Variants in MIER1 observed in about 807,000 individuals in gnomAD.
The protein encoded by MIER1 is MIER1 transcriptional regulator, also known as mesoderm induction early response protein 1.
A neutral mutation model predicts 75.7 loss-of-function variants in MIER1; 40 were observed. That is an observed-to-expected ratio of 0.53 (90% confidence interval 0.41 to 0.69). The LOEUF (loss-of-function observed/expected upper bound fraction) is 0.69, where lower values mean the gene tolerates loss of function less well. Among genes scored for constraint, MIER1 ranks in the 30% least tolerant of loss-of-function variants. MIER1 has a pLI of 0.00. For synonymous variants in MIER1, 213 were observed against 223.4 expected (o/e 0.95, Z 0.42); for missense variants, 574 against 680.2 (o/e 0.84, Z 1.74).
chr1:66,964,416 T>G (rs1288510737), intron 8 of MIER1, among the ~76,000 whole-genome samples: 1 of 148,572 alleles, frequency 6.7e-6, no homozygotes, highest in East Asian at 2.0e-4. Flanking sequence ...TTCACCTCAT[T>G]TGAGTTCCAG....
chr1:66,972,235 CATAT>C (rs71058486), intron 10 of MIER1, among the ~76,000 whole-genome samples: 109 of 63,714 alleles, frequency 1.7e-3, no homozygotes, highest in Non-Finnish European at 2.2e-3. Flanking sequence ...ATATACACTA[CATAT>C]ATATATATAT....
chr1:66,978,581 GAT>G (rs1335041561), intron 12 of MIER1, among the ~76,000 whole-genome samples: 1 of 152,162 alleles, frequency 6.6e-6, no homozygotes, highest in Non-Finnish European at 1.5e-5. Context: ...CTAGTCTGCA[GAT>G]ATATCTTAAA....
intron 2 of MIER1, among the ~76,000 whole-genome samples, chr1:66,931,631 A>G (rs1222617378): frequency 2.6e-5 from 4 of 151,842 alleles, no homozygotes; most frequent in African/African-American, 9.7e-5. Flanking sequence ...TCTTAGATTT[A>G]TTTTCATTTC....
At position 66,974,210 on chromosome 1, in the gene MIER1, A is replaced by G. The variant is rs145491848; in HGVS notation, c.1101+1219A>G. 2.2e-3 allele frequency among the ~76,000 whole-genome samples: 330 copies of G among 152,184 alleles called. 1 individual carries two copies. Among genetic ancestry groups the G allele is most frequent in the African/African-American group, 7.1e-3 (293 of 41,540 alleles). ...TACCGCAGATAACACTAATAGAGAAATGTTTAGTTTTAGCATTTAGGATAA... is the reference window on the plus strand; with the variant it reads ...TACCGCAGATAACACTAATAGAGAAGTGTTTAGTTTTAGCATTTAGGATAA... On this transcript the variant is annotated intron_variant, in intron 11 of 13. Coordinates refer to ENST00000401041, the MANE Select transcript of MIER1 (RefSeq NM_001077700.3).
At chr1:66,929,153 T>A in intron 2 of MIER1, 1 of 642,086 alleles carries the variant, frequency 1.6e-6, no homozygotes, top group African/African-American at 1.8e-5. Context: ...CATTATAAGT[T>A]AAGTATTAAC....
rs1245369483 is a variant in MIER1 at position 66,930,604 on chromosome 1, C to CA, written c.168+4362_168+4363insA. Among the ~76,000 whole-genome samples the CA allele has an allele frequency of 4.0e-5, 6 of 151,358 alleles. No homozygotes were observed. In the East Asian group the frequency reaches 9.8e-4, roughly 25 times the overall value. On this transcript the variant is annotated intron_variant, in intron 2 of 13. Coordinates refer to ENST00000401041, the MANE Select transcript of MIER1 (RefSeq NM_001077700.3). ...GTCCGGGGGTAGGAGGAAGCGGAGG[C>CA]GTACTTGGACTTCGGGGGCAGTTTG...
At chr1:66,927,938 T>C (rs1459331652) in intron 2 of MIER1, among the ~76,000 whole-genome samples, 2 of 152,092 alleles carry the variant, frequency 1.3e-5, no homozygotes, top group African/African-American at 4.8e-5. Context: ...AGTAAGCGTT[T>C]TGAGAAAGAC....
intron 7 of MIER1, 37 bp from the exon 8 acceptor site, chr1:66,963,051 T>C (rs1661575510): frequency 7.4e-7 from 1 of 1,350,912 alleles, no homozygotes; most frequent in South Asian, 1.2e-5. Context: ...AATCTGTTAC[T>C]AGATCTTACT....
At chr1:66,955,274 C>T (rs1477571672) in intron 4 of MIER1, among the ~76,000 whole-genome samples, 2 of 150,226 alleles carry the variant, frequency 1.3e-5, no homozygotes, top group African/African-American at 4.9e-5. Flanking sequence ...TATCTTATCC[C>T]AGACCTGTGA....
At chr1:66,955,689 A>T (rs1299992668) in intron 4 of MIER1, among the ~76,000 whole-genome samples, 1 of 152,182 alleles carries the variant, frequency 6.6e-6, no homozygotes, top group East Asian at 1.9e-4. Flanking sequence ...ATAAATAATG[A>T]AACAAGCTTT....
At chr1:66,949,160 G>T (rs1156327545) in intron 4 of MIER1, among the ~76,000 whole-genome samples, 1 of 152,064 alleles carries the variant, frequency 6.6e-6, no homozygotes, top group Non-Finnish European at 1.5e-5. Context: ...GGGATAAAAG[G>T]TACAGTAATA....
At chr1:66,952,217 T>C (rs1000584808) in intron 4 of MIER1, among the ~76,000 whole-genome samples, 2 of 152,214 alleles carry the variant, frequency 1.3e-5, no homozygotes, top group African/African-American at 4.8e-5. Flanking sequence ...AATAAAACAC[T>C]GTGCCACTTT....
intron 6 of MIER1, 59 bp downstream of exon 6, chr1:66,959,042 A>G (rs1660721833): frequency 7.0e-7 from 1 of 1,421,304 alleles, no homozygotes; most frequent in Admixed American, 1.8e-5. Context: ...GGTATTACCT[A>G]AAATCCTCTT....
intron 2 of MIER1, among the ~76,000 whole-genome samples, chr1:66,937,086 T>G (rs1655073089): frequency 6.6e-6 from 1 of 151,636 alleles, no homozygotes; most frequent in Admixed American, 6.6e-5. Flanking sequence ...TAGCAGTTAT[T>G]TCTCTAGAAG....
At chr1:66,959,060 C>A in intron 6 of MIER1, 77 bp downstream of exon 6, 1 of 1,217,476 alleles carries the variant, frequency 8.2e-7, no homozygotes, top group Non-Finnish European at 1.2e-6. Flanking sequence ...CTTTTTTAAA[C>A]TGGTCTTTGA....
chr1:66,938,930 A>T (rs1655553740), intron 2 of MIER1, among the ~76,000 whole-genome samples: 1 of 152,194 alleles, frequency 6.6e-6, no homozygotes, highest in Admixed American at 6.5e-5. Flanking sequence ...GTACAGTTTT[A>T]AAAACAAATT....
intron 4 of MIER1, among the ~76,000 whole-genome samples, chr1:66,955,496 G>A (rs180682405): frequency 3.7e-4 from 57 of 152,150 alleles, no homozygotes; most frequent in African/African-American, 1.4e-3. Flanking sequence ...TAGAGAGCCT[G>A]AGGGCATTTG....
intron 2 of MIER1, among the ~76,000 whole-genome samples, chr1:66,928,421 G>A (rs1160435590): frequency 1.3e-5 from 2 of 152,080 alleles, no homozygotes; most frequent in African/African-American, 2.4e-5. Context: ...ACCTTGTATT[G>A]TAACACTTTT....
Position 66,947,033 on chromosome 1 carries a change from T to C in MIER1, c.339+738T>C, listed in dbSNP as rs147024013. ...CTGTCTGGATCAGTGCTCCTCAAAATGTAGTATGAGGGTCAGTTGCATCAG... is the reference window on the plus strand; with the variant it reads ...CTGTCTGGATCAGTGCTCCTCAAAACGTAGTATGAGGGTCAGTTGCATCAG... On this transcript the variant is annotated intron_variant, in intron 4 of 13. Coordinates refer to ENST00000401041, the MANE Select transcript of MIER1 (RefSeq NM_001077700.3). 10 of 982,988 alleles carry C rather than the reference T, an allele frequency of 1.0e-5. No homozygotes were observed. In the East Asian group the frequency reaches 1.1e-3, roughly 112 times the overall value. 60.9% of individuals were successfully genotyped at this position (982,988 alleles called of 1,614,324 possible). A position where few individuals can be genotyped will look rare whatever the true frequency, so the allele number is the denominator to read the frequency against.
Sources: allele counts gnomAD v4.1 joint callset (sites outside exome capture counted in the v4.1 genomes callset), GRCh38; gene constraint gnomAD v4.1.1; transcripts MANE v1.5; gene names NCBI Gene and HGNC (gene_info 2026-07-23, HGNC 2026-07-21).